Variants in GPC5 observed in about 807,000 individuals in gnomAD.
GPC5 encodes glypican-5.
GPC5 carries 47 observed loss-of-function variants against 53.9 expected under a neutral mutation model. That is an observed-to-expected ratio of 0.87 (90% CI 0.69 to 1.11). GPC5 has a LOEUF of 1.11. Among genes scored for constraint, GPC5 ranks in the 50% most tolerant of loss-of-function variants. The pLI, the probability that GPC5 is intolerant of heterozygous loss-of-function variation, is 0.00. For missense variants in GPC5, 748 were observed against 713.1 expected (o/e 1.05, Z -0.56); for synonymous variants, 286 against 263.3 (o/e 1.09, Z -0.84).
chr13:91,707,434 G>A (rs750319858), intron 3 of GPC5, among the ~76,000 whole-genome samples: 8 of 152,002 alleles, frequency 5.3e-5, no homozygotes, highest in African/African-American at 1.9e-4. Context: ...ACCAGCCTGA[G>A]CAACATAGCG....
intron 7 of GPC5, among the ~76,000 whole-genome samples, chr13:92,519,797 A>G (rs1360935474): frequency 2.0e-5 from 3 of 152,240 alleles, no homozygotes; most frequent in Non-Finnish European, 2.9e-5. Flanking sequence ...ACCGAAGGAG[A>G]TAGAGACACA....
At chr13:92,728,300 G>C (rs928102819) in intron 7 of GPC5, among the ~76,000 whole-genome samples, 1 of 151,290 alleles carries the variant, frequency 6.6e-6, no homozygotes, top group South Asian at 2.1e-4. Context: ...ACCTTAATGT[G>C]CTTATATCTT....
intron 7 of GPC5, chr13:92,448,312 G>T (rs1460677996): frequency 6.6e-6 from 1 of 152,052 alleles, no homozygotes; most frequent in Non-Finnish European, 1.5e-5. Context: ...AGTTTTTGTA[G>T]AAGGATACGG....
chr13:91,478,348 C>T (rs1303224662), intron 2 of GPC5, among the ~76,000 whole-genome samples: 1 of 151,600 alleles, frequency 6.6e-6, no homozygotes, highest in Non-Finnish European at 1.5e-5. Context: ...TGTACAAATC[C>T]CTTTCCATTT....
intron 7 of GPC5, among the ~76,000 whole-genome samples, chr13:92,638,567 T>TC (rs35619108): frequency 0.34 from 52,189 of 152,056 alleles, 10,177 homozygotes; most frequent in Non-Finnish European, 0.45. Flanking sequence ...CTTATACTCC[T>TC]CTTTCTCAGA....
chr13:91,440,968 C>T (rs1224542421), intron 1 of GPC5, among the ~76,000 whole-genome samples: 1 of 152,196 alleles, frequency 6.6e-6, no homozygotes, highest in Admixed American at 6.5e-5. Context: ...TCCCCCTTCA[C>T]TTTCTAGAAA....
At chr13:92,762,298 GTTTT>G (rs1196635430) in intron 7 of GPC5, among the ~76,000 whole-genome samples, 1 of 152,058 alleles carries the variant, frequency 6.6e-6, no homozygotes. Context: ...AGGGCCTAGA[GTTTT>G]TTTATGTGAC....
At chr13:92,001,145 C>T (rs2040550576) in intron 6 of GPC5, among the ~76,000 whole-genome samples, 1 of 152,102 alleles carries the variant, frequency 6.6e-6, no homozygotes, top group Non-Finnish European at 1.5e-5. Context: ...TTAAGCAAAG[C>T]AAAGACATTG....
intron 2 of GPC5, among the ~76,000 whole-genome samples, chr13:91,562,731 T>A (rs2031342322): frequency 6.6e-6 from 1 of 151,866 alleles, no homozygotes; most frequent in African/African-American, 2.4e-5. Flanking sequence ...GGACCATTAT[T>A]TCTTATGTAT....
At chr13:91,869,081 T>TTTTAGA (rs1401010949) in intron 5 of GPC5, among the ~76,000 whole-genome samples, 6 of 152,162 alleles carry the variant, frequency 3.9e-5, no homozygotes, top group African/African-American at 1.4e-4. Flanking sequence ...TCTTGCCCTG[T>TTTTAGA]TGCCCAGTCT....
intron 7 of GPC5, among the ~76,000 whole-genome samples, chr13:92,613,916 T>A (rs1217947796): frequency 6.6e-6 from 1 of 151,560 alleles, no homozygotes; most frequent in African/African-American, 2.4e-5. Flanking sequence ...AGTGAAAAAG[T>A]CACACAGATG....
intron 2 of GPC5, among the ~76,000 whole-genome samples, chr13:91,627,717 C>T (rs2034044356): frequency 6.6e-6 from 1 of 152,054 alleles, no homozygotes; most frequent in African/African-American, 2.4e-5. Context: ...TCTACTTGGA[C>T]TCATTGAAGT....
intron 1 of GPC5, among the ~76,000 whole-genome samples, chr13:91,427,249 T>C (rs1879124130): frequency 6.6e-6 from 1 of 152,126 alleles, no homozygotes; most frequent in South Asian, 2.1e-4. Context: ...CACTGACAAC[T>C]TGCACCATGA....
At chr13:92,824,066 C>G (rs1183266800) in intron 7 of GPC5, among the ~76,000 whole-genome samples, 1 of 152,082 alleles carries the variant, frequency 6.6e-6, no homozygotes, top group Non-Finnish European at 1.5e-5. Flanking sequence ...CTGGAGATGA[C>G]CTTCTTAAGA....
At chr13:92,287,056 T>C (rs2042960944) in intron 7 of GPC5, among the ~76,000 whole-genome samples, 1 of 152,188 alleles carries the variant, frequency 6.6e-6, no homozygotes, top group Non-Finnish European at 1.5e-5. Flanking sequence ...ACAGAGAAGA[T>C]AATTTTTTGT....
intron 5 of GPC5, among the ~76,000 whole-genome samples, chr13:91,884,258 C>G (rs116780610): frequency 1.2e-4 from 19 of 152,182 alleles, no homozygotes; most frequent in Non-Finnish European, 2.5e-4. Context: ...TATATATACT[C>G]AAAGGAATAG....
chr13:91,500,346 G>A (rs1185630034), intron 2 of GPC5, among the ~76,000 whole-genome samples: 1 of 152,218 alleles, frequency 6.6e-6, no homozygotes, highest in African/African-American at 2.4e-5. Context: ...AGGTAGGAGA[G>A]GAAGAATCTT....
At chr13:91,632,644 C>T (rs1235150980) in intron 2 of GPC5, among the ~76,000 whole-genome samples, 2 of 152,090 alleles carry the variant, frequency 1.3e-5, no homozygotes, top group Non-Finnish European at 2.9e-5. Context: ...TTTAAACTTA[C>T]CTGAGACTCT....
chr13:91,558,074 G>A (rs920234200), intron 2 of GPC5, among the ~76,000 whole-genome samples: 3 of 152,208 alleles, frequency 2.0e-5, no homozygotes, highest in East Asian at 1.9e-4. Context: ...GCCATGAACT[G>A]GGTGGTTTTA....
Sources: allele counts gnomAD v4.1 joint callset (sites outside exome capture counted in the v4.1 genomes callset), GRCh38; gene constraint gnomAD v4.1.1; transcripts MANE v1.5; gene names NCBI Gene and HGNC (gene_info 2026-07-23, HGNC 2026-07-21).